Variants in MCTP2 observed in about 807,000 individuals in gnomAD.
The protein encoded by MCTP2 is multiple C2 and transmembrane domain-containing protein 2.
In MCTP2, 132 loss-of-function variants were observed where a neutral mutation model predicts 111.6. The ratio of observed to expected loss-of-function variants is 1.18; its 90% confidence interval spans 1.03 to 1.37. MCTP2 has a LOEUF of 1.37. MCTP2 is among the 40% of genes most tolerant of loss of function. MCTP2 has a pLI of 0.00. For synonymous variants in MCTP2, 395 were observed against 387.7 expected (o/e 1.02, Z -0.22); for missense variants, 1,183 against 1,067.9 (o/e 1.11, Z -1.50).
At chr15:94,349,355 A>C (rs1469208119) in intron 8 of MCTP2, among the ~76,000 whole-genome samples, 3 of 152,126 alleles carry the variant, frequency 2.0e-5, no homozygotes, top group Admixed American at 6.5e-5. Flanking sequence ...TTTGCCCCAA[A>C]ACCTCTCACT....
intron 17 of MCTP2, among the ~76,000 whole-genome samples, chr15:94,434,723 GTC>G (rs1158749911): frequency 6.6e-6 from 1 of 152,108 alleles, no homozygotes; most frequent in African/African-American, 2.4e-5. Flanking sequence ...TGATGTATAA[GTC>G]TGTCTTTTCA....
Position 94,359,398 on chromosome 15 carries a change from C to G in MCTP2, c.1301+786C>G, listed in dbSNP as rs1259343366. Among the ~76,000 whole-genome samples, 2 of 152,276 alleles carry G rather than the reference C, an allele frequency of 1.3e-5. 1 individual carries two copies. The highest frequency in any genetic ancestry group is 4.1e-4 in the South Asian group (2 of 4,830). ...TAGTTTTCTCCATCAAATCACTTGC[C>G]TTGTGTTCATTCTGTATACATATTA... is the stretch of plus-strand genomic sequence containing the variant. On this transcript the variant is annotated intron_variant, in intron 10 of 22. Transcript: ENST00000357742.
chr15:94,397,764 G>T (rs2081354756), intron 14 of MCTP2, among the ~76,000 whole-genome samples: 1 of 152,172 alleles, frequency 6.6e-6, no homozygotes, highest in African/African-American at 2.4e-5. Flanking sequence ...GTGAATGCTT[G>T]TAGTGACAGC....
In MCTP2 at chr15:94,368,984, A is replaced by G. The variant is rs954533134; in HGVS notation, c.1489-1103A>G. Among the ~76,000 whole-genome samples the G allele has an allele frequency of 2.0e-5, 3 of 152,224 alleles. No individual in the cohort carries two copies. In the South Asian group the frequency reaches 6.2e-4, roughly 31 times the overall value. On this transcript the variant is annotated intron_variant, in intron 11 of 22. Transcript: ENST00000357742. ...GCTAGCCAGCACATTAGAGGGAACG[A>G]ATGCTGTTTCAAAGCACAAGTTACA...
intron 17 of MCTP2, among the ~76,000 whole-genome samples, chr15:94,410,014 T>C (rs1297271670): frequency 6.6e-6 from 1 of 151,762 alleles, no homozygotes; most frequent in Non-Finnish European, 1.5e-5. Flanking sequence ...TCTATCATCC[T>C]CCCTTATATT....
At chr15:94,306,148 C>A (rs1318103761) in intron 2 of MCTP2, among the ~76,000 whole-genome samples, 1 of 151,992 alleles carries the variant, frequency 6.6e-6, no homozygotes, top group Non-Finnish European at 1.5e-5. Flanking sequence ...GCAGGGTGGT[C>A]AGGAAAGGCT....
chr15:94,245,275 CGTATAT>C (rs1244934107), intron 1 of MCTP2, among the ~76,000 whole-genome samples: 1 of 130,252 alleles, frequency 7.7e-6, no homozygotes. Context: ...TGTGTATATA[CGTATAT>C]ACACATATGT....
chr15:94,383,095 AC>A (rs567355365), intron 12 of MCTP2, among the ~76,000 whole-genome samples: 106 of 152,220 alleles, frequency 7.0e-4, no homozygotes, highest in African/African-American at 2.5e-3. Flanking sequence ...ATTGAGTTAT[AC>A]TTTTTTTGTT....
At position 94,480,232 on chromosome 15, in the gene MCTP2, G is replaced by T. The variant is rs2074655747; in HGVS notation, c.*1198G>T. On this transcript the variant is annotated 3_prime_UTR_variant, in exon 23 of 23. Coordinates refer to ENST00000357742, the MANE Select transcript of MCTP2 (RefSeq NM_001385001.1). Reference sequence around the variant, plus strand: ...ATTTAAGTTTTAAAGACTGTATTTTGTTGACACATACTTTGTGCAGTTTTT... The same window carrying T: ...ATTTAAGTTTTAAAGACTGTATTTTTTTGACACATACTTTGTGCAGTTTTT... The T allele has an allele frequency of 2.0e-5, 3 of 151,654 alleles. No homozygotes were observed. In the South Asian group the frequency reaches 6.2e-4, roughly 32 times the overall value. 9.4% of individuals were successfully genotyped at this position (151,654 alleles called of 1,614,324 possible).
At chr15:94,289,709 T>G (rs2074945564) in intron 1 of MCTP2, among the ~76,000 whole-genome samples, 1 of 152,178 alleles carries the variant, frequency 6.6e-6, no homozygotes, top group South Asian at 2.1e-4. Context: ...AACTTATGTA[T>G]TATTATATTA....
At chr15:94,392,819 A>G (rs1251943593) in intron 14 of MCTP2, among the ~76,000 whole-genome samples, 1 of 151,678 alleles carries the variant, frequency 6.6e-6, no homozygotes, top group African/African-American at 2.4e-5. Context: ...TCATCTCAAA[A>G]AACAAACAAA....
chr15:94,314,148 A>G (rs1478349736), intron 2 of MCTP2, 134 bp from the exon 3 acceptor site: 2 of 610,330 alleles, frequency 3.3e-6, no homozygotes, highest in Non-Finnish European at 5.9e-6. Flanking sequence ...CCACACAAAC[A>G]GGAAGGCGGC....
chr15:94,302,337 A>T (rs889896873), intron 2 of MCTP2, among the ~76,000 whole-genome samples: 1 of 152,186 alleles, frequency 6.6e-6, no homozygotes, highest in East Asian at 1.9e-4. Flanking sequence ...TGAATTCTGC[A>T]GTCACCTCCA....
At chr15:94,288,939 G>T (rs2074902203) in intron 1 of MCTP2, among the ~76,000 whole-genome samples, 1 of 152,232 alleles carries the variant, frequency 6.6e-6, no homozygotes, top group Non-Finnish European at 1.5e-5. Context: ...GAAAGAGTCA[G>T]TAAAACTGAA....
At chr15:94,339,260 A>G (rs766287729) in intron 4 of MCTP2, 30 bp from the exon 5 acceptor site, 6 of 1,538,542 alleles carry the variant, frequency 3.9e-6, no homozygotes, top group Non-Finnish European at 5.3e-6. Flanking sequence ...GTATTTTAAA[A>G]TTCTGTCTTG....
At chr15:94,458,061 CATGTT>C in intron 19 of MCTP2, 71 bp from the exon 20 acceptor site, 4 of 800,470 alleles carry the variant, frequency 5.0e-6, no homozygotes, top group East Asian at 5.1e-5. Flanking sequence ...GTTATTATAA[CATGTT>C]ATAATATTTT....
chr15:94,404,713 G>C (rs2081811454), intron 17 of MCTP2, among the ~76,000 whole-genome samples: 2 of 151,868 alleles, frequency 1.3e-5, no homozygotes, highest in African/African-American at 2.4e-5. Flanking sequence ...CCTGTTAGCT[G>C]TCTGTAGGGG....
chr15:94,410,027 A>G (rs2082085917), intron 17 of MCTP2, among the ~76,000 whole-genome samples: 1 of 152,022 alleles, frequency 6.6e-6, no homozygotes, highest in South Asian at 2.1e-4. Flanking sequence ...CTTATATTTG[A>G]AAACAAGCAT....
intron 12 of MCTP2, 106 bp downstream of exon 12, chr15:94,370,286 T>G: frequency 1.0e-5 from 8 of 777,732 alleles, no homozygotes; most frequent in Non-Finnish European, 1.6e-5. Context: ...ACTATAACAG[T>G]CATGCTCCTT....
Sources: allele counts gnomAD v4.1 joint callset (sites outside exome capture counted in the v4.1 genomes callset), GRCh38; gene constraint gnomAD v4.1.1; transcripts MANE v1.5; gene names NCBI Gene and HGNC (gene_info 2026-07-23, HGNC 2026-07-21).